Variants in DTNB observed in about 807,000 individuals in gnomAD.
The protein encoded by DTNB is DTN-B.
Under a neutral mutation model 90.7 loss-of-function variants are expected in DTNB, and 63 were observed. That is an observed-to-expected ratio of 0.69 (90% confidence interval 0.57 to 0.86). The LOEUF (loss-of-function observed/expected upper bound fraction) is 0.86. Ranked by LOEUF, DTNB falls within the 40% of genes least tolerant of loss-of-function variation. DTNB has a pLI of 0.00. For missense variants in DTNB, 744 were observed against 807.1 expected (o/e 0.92, Z 0.95); for synonymous variants, 277 against 286.7 (o/e 0.97, Z 0.34).
intron 9 of DTNB, among the ~76,000 whole-genome samples, chr2:25,518,576 A>G (rs1399297853): frequency 2.0e-5 from 3 of 151,660 alleles, no homozygotes; most frequent in Admixed American, 6.6e-5. Flanking sequence ...CCCTCACCCC[A>G]ACACACACAC....
At chr2:25,418,023 G>A (rs1387721053) in intron 16 of DTNB, among the ~76,000 whole-genome samples, 1 of 152,178 alleles carries the variant, frequency 6.6e-6, no homozygotes, top group African/African-American at 2.4e-5. Flanking sequence ...TGTAATGGCT[G>A]GGCTTGATTT....
chr2:25,421,618 G>A (rs1483975400), intron 15 of DTNB, among the ~76,000 whole-genome samples: 1 of 152,218 alleles, frequency 6.6e-6, no homozygotes, highest in Non-Finnish European at 1.5e-5. Context: ...TGTTGAAGTG[G>A]AAAGTGCGAT....
intron 8 of DTNB, among the ~76,000 whole-genome samples, chr2:25,534,157 G>A (rs1414645830): frequency 6.6e-6 from 1 of 151,954 alleles, no homozygotes; most frequent in Non-Finnish European, 1.5e-5. Context: ...TTTGGCCTTC[G>A]GCCCTGTTTG....
chr2:25,439,958 G>A (rs1193959538), intron 12 of DTNB, among the ~76,000 whole-genome samples: 2 of 152,186 alleles, frequency 1.3e-5, no homozygotes, highest in African/African-American at 4.8e-5. Flanking sequence ...TTACTCATAA[G>A]GAGGACACAT....
At chr2:25,667,753 A>G (rs1284036146) in intron 1 of DTNB, among the ~76,000 whole-genome samples, 1 of 152,182 alleles carries the variant, frequency 6.6e-6, no homozygotes, top group East Asian at 1.9e-4. Context: ...CGACCCAGCA[A>G]TCACTCTCCT....
At chr2:25,471,995 G>C (rs1402838657) in intron 10 of DTNB, among the ~76,000 whole-genome samples, 1 of 152,140 alleles carries the variant, frequency 6.6e-6, no homozygotes, top group Non-Finnish European at 1.5e-5. Context: ...TGCTCTGAAT[G>C]GAATAAGCAG....
rs527380532 is a variant in DTNB, at chr2:25,597,753, A to G, written c.449-1513T>C. Reference sequence around the variant, plus strand: ...ATTAACAAATACATATTAAGTTCCTATTATGTGGTCCAAGTGCAAGCGCTC... The same window carrying G: ...ATTAACAAATACATATTAAGTTCCTGTTATGTGGTCCAAGTGCAAGCGCTC... On this transcript the variant is annotated intron_variant, in intron 5 of 20. Transcript: ENST00000406818. Among the ~76,000 whole-genome samples, 36 of 152,352 alleles carry G rather than the reference A, an allele frequency of 2.4e-4. No individual in the cohort carries two copies. In the South Asian group the frequency reaches 7.2e-3, roughly 31 times the overall value.
intron 5 of DTNB, 43 bp from the exon 6 acceptor site, chr2:25,596,283 T>A (rs763586249): frequency 1.9e-6 from 3 of 1,545,276 alleles, no homozygotes; most frequent in Non-Finnish European, 2.6e-6. Flanking sequence ...TAAGGAAATA[T>A]CAGCTTTTTA....
intron 9 of DTNB, among the ~76,000 whole-genome samples, chr2:25,529,860 A>G (rs2077826870): frequency 6.6e-6 from 1 of 152,232 alleles, no homozygotes; most frequent in Admixed American, 6.5e-5. Flanking sequence ...AGTTATGGTT[A>G]TCGAAGAGAA....
intron 8 of DTNB, among the ~76,000 whole-genome samples, chr2:25,566,679 T>C (rs1197699150): frequency 6.6e-6 from 1 of 152,058 alleles, no homozygotes; most frequent in East Asian, 1.9e-4. Context: ...TCCCTAATAG[T>C]CGATAGTCAA....
chr2:25,433,148 CCTT>C lies in DTNB; in HGVS notation c.1344-152_1344-150del, dbSNP rs1395051163. On this transcript the variant is annotated intron_variant, in intron 13 of 20. Coordinates refer to ENST00000406818, the MANE Select transcript of DTNB (RefSeq NM_021907.5). ...AAATGGCCAAGAGGTGAAATGGACACCTTCTCAATACTGCTTCACCTGACATTT... is the reference window on the plus strand; with the variant it reads ...AAATGGCCAAGAGGTGAAATGGACACCTCAATACTGCTTCACCTGACATTT... 5.2e-5 allele frequency: 36 copies of C among 692,748 alleles called. No individual in the cohort carries two copies. In the East Asian group the frequency reaches 1.0e-3, roughly 19 times the overall value. 42.9% of individuals were successfully genotyped at this position (692,748 alleles called of 1,614,324 possible).
At chr2:25,666,810 AAGG>A (rs1444919642) in intron 1 of DTNB, among the ~76,000 whole-genome samples, 1 of 152,172 alleles carries the variant, frequency 6.6e-6, no homozygotes, top group Non-Finnish European at 1.5e-5. Flanking sequence ...ACAGAAAGCA[AAGG>A]AGGATGAAGA....
intron 10 of DTNB, among the ~76,000 whole-genome samples, chr2:25,467,898 C>T (rs895497595): frequency 3.9e-5 from 6 of 152,054 alleles, no homozygotes; most frequent in African/African-American, 1.4e-4. Flanking sequence ...AATATATAAA[C>T]AAGTATGTTC....
chr2:25,653,900 C>A (rs1206054939), intron 1 of DTNB, among the ~76,000 whole-genome samples: 2 of 152,126 alleles, frequency 1.3e-5, no homozygotes, highest in Non-Finnish European at 2.9e-5. Context: ...TGTCTTAGAC[C>A]TTCCCAATGT....
intron 8 of DTNB, chr2:25,558,213 T>G (rs1403766795): frequency 1.0e-6 from 1 of 985,304 alleles, no homozygotes; most frequent in Non-Finnish European, 1.2e-6. Flanking sequence ...TAAATTTATT[T>G]AGAGAAAGAG....
chr2:25,573,003 C>T (rs1189223100), intron 8 of DTNB, among the ~76,000 whole-genome samples: 5 of 151,946 alleles, frequency 3.3e-5, no homozygotes, highest in African/African-American at 4.8e-5. Context: ...TGCAATGGCA[C>T]GATCTCGGCT....
At chr2:25,425,401 C>G (rs2051213512) in intron 15 of DTNB, among the ~76,000 whole-genome samples, 1 of 152,180 alleles carries the variant, frequency 6.6e-6, no homozygotes, top group South Asian at 2.1e-4. Context: ...ATCCAAGTTG[C>G]TAATGCCCAC....
chr2:25,474,293 T>TAA (rs75986575), intron 10 of DTNB, among the ~76,000 whole-genome samples: 81 of 141,758 alleles, frequency 5.7e-4, no homozygotes, highest in South Asian at 1.1e-3. Context: ...TTTTCTGTCT[T>TAA]AAAAAAAAAA....
At chr2:25,443,487 T>G (rs181962309) in intron 12 of DTNB, among the ~76,000 whole-genome samples, 1 of 152,348 alleles carries the variant, frequency 6.6e-6, no homozygotes, top group East Asian at 1.9e-4. Flanking sequence ...TCCAGTAGCA[T>G]GCATTTCTGG....
Sources: allele counts gnomAD v4.1 joint callset (sites outside exome capture counted in the v4.1 genomes callset), GRCh38; gene constraint gnomAD v4.1.1; transcripts MANE v1.5; gene names NCBI Gene and HGNC (gene_info 2026-07-23, HGNC 2026-07-21).